The following BRI3BP variants were observed in gnomAD, a reference collection of about 807,000 sequenced individuals.
The protein encoded by BRI3BP is BRI3-binding protein.
Under a neutral mutation model 15.8 loss-of-function variants are expected in BRI3BP, and 7 were observed. The observed-to-expected ratio is 0.44, with a 90% confidence interval of 0.25 to 0.83. The LOEUF is 0.83. BRI3BP is among the 40% of genes least tolerant of loss of function. The pLI is 0.20. For synonymous variants in BRI3BP, 192 were observed against 163.5 expected (o/e 1.17, Z -1.33); for missense variants, 320 against 339.3 (o/e 0.94, Z 0.45).
chr12:125,013,179 T>A (rs2135994094), intron 2 of BRI3BP, among the ~76,000 whole-genome samples: 1 of 152,326 alleles, frequency 6.6e-6, no homozygotes, highest in South Asian at 2.1e-4. Flanking sequence ...GGAGTGCCAA[T>A]TTGTGTGCAA....
chr12:125,008,179 A>C (rs536276290), intron 1 of BRI3BP, among the ~76,000 whole-genome samples: 1 of 151,720 alleles, frequency 6.6e-6, no homozygotes, highest in African/African-American at 2.4e-5. Context: ...GTGACATGGA[A>C]TCTCTGGAAG....
chr12:125,049,251 T>A, the BRI3BP span, among the ~76,000 whole-genome samples: 1 of 152,122 alleles, frequency 6.6e-6, no homozygotes, highest in African/African-American at 2.4e-5. Context: ...GACCATCCTA[T>A]CTATCAAAAG....
At chr12:125,019,208 G>A (rs1016519317) in intron 2 of BRI3BP, among the ~76,000 whole-genome samples, 5 of 152,168 alleles carry the variant, frequency 3.3e-5, no homozygotes, top group African/African-American at 1.2e-4. Flanking sequence ...GAAGTCAGAC[G>A]GTGCCCCTTT....
At chr12:125,036,473 T>G in the BRI3BP span, among the ~76,000 whole-genome samples, 1 of 152,090 alleles carries the variant, frequency 6.6e-6, no homozygotes, top group African/African-American at 2.4e-5. Flanking sequence ...TGCTCATCAT[T>G]GATTATATTG....
chr12:125,007,617 G>T (rs1343145990), intron 1 of BRI3BP, among the ~76,000 whole-genome samples: 1 of 151,934 alleles, frequency 6.6e-6, no homozygotes, highest in Non-Finnish European at 1.5e-5. Context: ...TACGTGGGAG[G>T]CTGAGGTGGG....
intron 1 of BRI3BP, among the ~76,000 whole-genome samples, chr12:125,004,559 G>T (rs910613683): frequency 6.6e-6 from 1 of 152,158 alleles, no homozygotes; most frequent in Non-Finnish European, 1.5e-5. Context: ...TAGAAAAATT[G>T]TGAAGATAAT....
chr12:125,042,691 C>A, the BRI3BP span, among the ~76,000 whole-genome samples: 1 of 152,042 alleles, frequency 6.6e-6, no homozygotes, highest in South Asian at 2.1e-4. Context: ...CCCACCACCA[C>A]GCCCAGCTAA....
At chr12:125,003,984 C>T (rs1955120046) in intron 1 of BRI3BP, among the ~76,000 whole-genome samples, 1 of 150,648 alleles carries the variant, frequency 6.6e-6, no homozygotes, top group African/African-American at 2.4e-5. Context: ...CACACACACA[C>T]ACACACACAC....
the BRI3BP span, among the ~76,000 whole-genome samples, chr12:125,039,972 G>T: frequency 6.6e-6 from 1 of 152,156 alleles, no homozygotes; most frequent in East Asian, 1.9e-4. Flanking sequence ...TTGCAAAAAT[G>T]TAGGACAATG....
At chr12:125,050,619 C>G in the BRI3BP span, among the ~76,000 whole-genome samples, 1 of 152,220 alleles carries the variant, frequency 6.6e-6, no homozygotes, top group South Asian at 2.1e-4. Flanking sequence ...CGGGGAACCC[C>G]CAAGGGAACC....
Position 125,025,632 on chromosome 12 carries a change from C to A in BRI3BP, c.*202C>A. ...CGGAAAGATCATTGACGTGGAACTA[C>A]ACACGAAGTGTAATTAGTGGGGGAA... is the stretch of plus-strand genomic sequence containing the variant. On this transcript the variant is annotated 3_prime_UTR_variant, in exon 3 of 3. Coordinates refer to ENST00000341446, the MANE Select transcript of BRI3BP (RefSeq NM_080626.6). 1 of 565,740 alleles carries A rather than the reference C, an allele frequency of 1.8e-6. No individual in the cohort carries two copies. The allele number at this position is 565,740 out of a possible 1,614,324, so 35.0% of individuals were successfully genotyped here.
At chr12:124,995,606 G>T (rs1382078180) in intron 1 of BRI3BP, among the ~76,000 whole-genome samples, 2 of 152,198 alleles carry the variant, frequency 1.3e-5, no homozygotes, top group African/African-American at 2.4e-5. Flanking sequence ...GGGCTAAACC[G>T]GGGTTTGTGC....
At chr12:125,008,299 C>CTTTTTTTTT (rs55697100) in intron 1 of BRI3BP, among the ~76,000 whole-genome samples, 292 of 99,910 alleles carry the variant, frequency 2.9e-3, no homozygotes, top group Middle Eastern at 7.2e-3. Context: ...CCTCTTCTTT[C>CTTTTTTTTT]TTTTTTTTTT....
intron 2 of BRI3BP, among the ~76,000 whole-genome samples, chr12:125,021,377 C>T (rs889034421): frequency 1.3e-5 from 2 of 152,178 alleles, no homozygotes; most frequent in Admixed American, 6.5e-5. Context: ...TCTGGATTTG[C>T]GCTTGCCCAC....
chr12:125,019,660 C>CTTTTTTTTTTTTTTTTTTTTTTTTTTTT lies in BRI3BP; in HGVS notation c.317-5325_317-5324insTTTTTTTTTTTTTTTTTTTTTTTTTTTT, dbSNP rs1955278838. Among the ~76,000 whole-genome samples, 40 of 24,736 alleles carry CTTTTTTTTTTTTTTTTTTTTTTTTTTTT rather than the reference C, an allele frequency of 1.6e-3. 1 individual carries two copies. Among genetic ancestry groups the CTTTTTTTTTTTTTTTTTTTTTTTTTTTT allele is most frequent in the East Asian group, 2.8e-3 (2 of 716 alleles). 16.2% of individuals were successfully genotyped at this position (24,736 alleles called of 152,430 possible). On this transcript the variant is annotated intron_variant, in intron 2 of 2. Transcript: ENST00000341446. ...CTTTTTTTTTTTTTTTTTTTTTTGC[C>CTTTTTTTTTTTTTTTTTTTTTTTTTTTT]TTTTTTGCTGTGAGTACTTGAAAAT...
At chr12:125,035,673 G>A (rs1206768352), downstream of BRI3BP, among the ~76,000 whole-genome samples, 1 of 151,998 alleles carries the variant, frequency 6.6e-6, no homozygotes, top group South Asian at 2.1e-4. Context: ...GGTGTGAGCC[G>A]CCATGCCTGG....
intron 1 of BRI3BP, among the ~76,000 whole-genome samples, chr12:124,994,844 G>A (rs918675395): frequency 6.6e-6 from 1 of 152,218 alleles, no homozygotes; most frequent in Admixed American, 6.5e-5. Flanking sequence ...CCTTCCTGGG[G>A]TTTTGGAGTC....
At chr12:125,033,168 A>C (rs67741110), downstream of BRI3BP, among the ~76,000 whole-genome samples, 38,338 of 152,138 alleles carry the variant, frequency 0.25, 5,196 homozygotes, top group African/African-American at 0.35. Context: ...ACAAACAAAA[A>C]AAACAAACAC....
chr12:125,028,570 T>C lies in BRI3BP; in HGVS notation c.*3140T>C, dbSNP rs1159228447. 2 of 152,176 alleles carry C rather than the reference T, an allele frequency of 1.3e-5. No homozygotes were observed. The highest frequency in any genetic ancestry group is 4.8e-5 in the African/African-American group (2 of 41,444). 9.4% of individuals were successfully genotyped at this position (152,176 alleles called of 1,614,324 possible). On this transcript the variant is annotated 3_prime_UTR_variant, in exon 3 of 3. Coordinates refer to ENST00000341446, the MANE Select transcript of BRI3BP (RefSeq NM_080626.6). ...TAGCTTGATACATTCTGGTGAAAGATGTCTTCATTTTTAATGAAAGAACCT... is the reference window on the plus strand; with the variant it reads ...TAGCTTGATACATTCTGGTGAAAGACGTCTTCATTTTTAATGAAAGAACCT...
Sources: allele counts gnomAD v4.1 joint callset (sites outside exome capture counted in the v4.1 genomes callset), GRCh38; gene constraint gnomAD v4.1.1; transcripts MANE v1.5; gene names NCBI Gene and HGNC (gene_info 2026-07-23, HGNC 2026-07-21).